The following ASMTL variants were observed in gnomAD, a reference collection of about 807,000 sequenced individuals.
ASMTL encodes the protein acetylserotonin O-methyltransferase like, also known as probable bifunctional dTTP/UTP pyrophosphatase/methyltransferase protein.
ASMTL carries 57 observed loss-of-function variants against 60.3 expected under a neutral mutation model. The ratio of observed to expected loss-of-function variants is 0.95; its 90% CI spans 0.76 to 1.18. The LOEUF is 1.18. Among genes scored for constraint, ASMTL ranks in the 50% most tolerant of loss-of-function variants. ASMTL has a pLI of 0.00. For missense variants in ASMTL, 981 were observed against 852.6 expected, an observed-to-expected ratio of 1.15 and a Z score of -1.88; for synonymous variants, 419 against 373.0, an observed-to-expected ratio of 1.12 and a Z score of -1.42.
At chrX:1,437,385 C>T (rs1181914700) in intron 3 of ASMTL, among the ~76,000 whole-genome samples, 1 of 149,488 alleles carries the variant, frequency 6.7e-6, no homozygotes, top group African/African-American at 2.5e-5. Context: ...GACATTGATT[C>T]TTCCATAATC....
chrX:1,417,417 G>A (rs747841272), intron 11 of ASMTL, among the ~76,000 whole-genome samples: 61 of 97,406 alleles, frequency 6.3e-4, no homozygotes, highest in African/African-American at 2.0e-3. Context: ...TGGACACACA[G>A]TCTCATGCAC....
In ASMTL at chrX:1,430,997, A is replaced by T. The variant is rs764978075; in HGVS notation, c.509+1272T>A. 2.5e-3 allele frequency among the ~76,000 whole-genome samples: 325 copies of T among 128,364 alleles called. 3 individuals carry two copies. The highest frequency in any genetic ancestry group is 0.011 in the African/African-American group (302 of 27,902). The allele number at this position is 128,364 out of a possible 152,430, so 84.2% of individuals were successfully genotyped here. ...TAATTTACATATAATCACACTTTAT[A>T]TTATTATGTAATATGTATTAATATG... On this transcript the variant is annotated intron_variant, in intron 6 of 12. Coordinates refer to ENST00000381317, the MANE Select transcript of ASMTL (RefSeq NM_004192.4).
At chrX:1,451,941 C>T (rs192354005) in intron 1 of ASMTL, among the ~76,000 whole-genome samples, 324 of 150,414 alleles carry the variant, frequency 2.2e-3, no homozygotes, top group Non-Finnish European at 3.8e-3. Flanking sequence ...GGTCACTCTC[C>T]CCAACCACAT....
At chrX:1,414,275 C>T (rs1160278105) in intron 11 of ASMTL, among the ~76,000 whole-genome samples, 9 of 152,138 alleles carry the variant, frequency 5.9e-5, no homozygotes, top group Admixed American at 3.3e-4. Flanking sequence ...CTCAGACCTC[C>T]GGTCTGCAGG....
intron 1 of ASMTL, among the ~76,000 whole-genome samples, chrX:1,446,876 G>A (rs766438987): frequency 2.4e-4 from 36 of 152,258 alleles, no homozygotes; most frequent in Non-Finnish European, 1.5e-4. Flanking sequence ...TACCCCTGTC[G>A]TGAAATTCTA....
chrX:1,421,555 A>G (rs2090484179), intron 9 of ASMTL, 103 bp downstream of exon 9: 1 of 1,278,540 alleles, frequency 7.8e-7, no homozygotes, highest in African/African-American at 1.5e-5. Flanking sequence ...GGGATCTGTC[A>G]GACTGGAGAC....
intron 1 of ASMTL, among the ~76,000 whole-genome samples, chrX:1,446,158 T>C (rs1224139368): frequency 5.3e-5 from 8 of 152,262 alleles, no homozygotes; most frequent in African/African-American, 1.9e-4. Flanking sequence ...GCAGAAATAA[T>C]GGCGTAAGCT....
intron 5 of ASMTL, among the ~76,000 whole-genome samples, chrX:1,433,077 G>C (rs113591937): frequency 0.016 from 2,360 of 150,166 alleles, 68 homozygotes; most frequent in African/African-American, 0.055. Flanking sequence ...CAGCCTGGGC[G>C]ACAGAGCGAG....
Position 1,418,076 on chromosome X carries a change from G to A in ASMTL, c.1419C>T (p.Tyr473=), listed in dbSNP as rs755745812. 1.3e-5 allele frequency: 21 copies of A among 1,612,448 alleles called. No individual in the cohort carries two copies. The highest frequency in any genetic ancestry group is 5.0e-5 in the Admixed American group (3 of 59,888). Residue 473 remains tyrosine, a synonymous_variant, in exon 11 of 13, where the codon TAC becomes TAT. Transcript: ENST00000381317. The part of the protein sequence containing the change: ...GALARELARE[Y]PRMQVTVFDL... ...CAAACACAGTCACCTGCATACGAGGGTACTCACGGGCCAGCTCTCGGGCCA... is the reference window on the plus strand; with the variant it reads ...CAAACACAGTCACCTGCATACGAGGATACTCACGGGCCAGCTCTCGGGCCA...
chrX:1,418,861 G>A lies in ASMTL; in HGVS notation c.1378+121C>T, dbSNP rs774222647. 2.7e-4 allele frequency: 352 copies of A among 1,288,184 alleles called. 3 individuals carry two copies. The Middle Eastern group carries it at 3.8e-3, about 14-fold the overall frequency. 79.8% of individuals were successfully genotyped at this position (1,288,184 alleles called of 1,614,324 possible). On this transcript the variant is annotated intron_variant, in intron 10 of 12. Transcript: ENST00000381317. ...CATGATCTGGGACTCAGCCTGGCCC[G>A]GTTCAGGTCGTTATCAGGTTTGTCA...
chrX:1,404,398 T>C (rs1426263304), intron 12 of ASMTL, among the ~76,000 whole-genome samples: 1 of 145,462 alleles, frequency 6.9e-6, no homozygotes, highest in South Asian at 2.1e-4. Context: ...GGTAGGTAGG[T>C]GGATGGATGG....
At chrX:1,439,195 A>C in intron 2 of ASMTL, 51 bp from the exon 3 acceptor site, 1 of 1,601,164 alleles carries the variant, frequency 6.2e-7, no homozygotes, top group Non-Finnish European at 8.6e-7. Context: ...TGGGTCTCAC[A>C]GAGAAGTTTT....
intron 1 of ASMTL, among the ~76,000 whole-genome samples, chrX:1,447,092 G>A (rs1369129360): frequency 2.6e-5 from 4 of 152,168 alleles, no homozygotes; most frequent in Non-Finnish European, 5.9e-5. Flanking sequence ...AACGGGTGCT[G>A]CTTGGAAGGC....
In ASMTL at chrX:1,439,124, G is replaced by A. The variant is rs190761175; in HGVS notation, c.246C>T (p.Asp82=). The change falls in exon 3 of 13, where the codon GAC becomes GAT. Residue 82 remains aspartate, a synonymous_variant. Transcript: ENST00000381317. Reference sequence around the variant, plus strand: ...CGATCGTGTCCGCTCCAATGACCACGTCGGGGGCCCGCAGGTCTTTCTGTA... The same window carrying A: ...CGATCGTGTCCGCTCCAATGACCACATCGGGGGCCCGCAGGTCTTTCTGTA... ...RLYQKDLRAP[D]VVIGADTIVT... is the part of the protein sequence containing the mutation. 7.0e-5 allele frequency: 113 copies of A among 1,614,022 alleles called. 1 individual carries two copies. The East Asian group carries it at 1.7e-3, about 24-fold the overall frequency.
At position 1,427,846 on chromosome X, in the gene ASMTL, G is replaced by A. The variant is rs371067058; in HGVS notation, c.785C>T (p.Ala262Val). 23 of 1,613,266 alleles carry A rather than the reference G, an allele frequency of 1.4e-5. No homozygotes were observed. Among genetic ancestry groups the A allele is most frequent in the Middle Eastern group, 1.7e-4 (1 of 5,920 alleles). ...TGCCGTGGCCTGTCCCGCCTCTCCCGCCTCGGCCTTCTCATCGCGGCTGCC... is the reference window on the plus strand; with the variant it reads ...TGCCGTGGCCTGTCCCGCCTCTCCCACCTCGGCCTTCTCATCGCGGCTGCC... ...DAGSRDEKAE[A>V]GEAGQATAEA... The change falls in exon 7 of 13, where the codon GCG becomes GTG. Residue 262 changes from alanine to valine, a missense_variant. By Grantham distance (64) the Ala-to-Val change is moderately conservative (BLOSUM62 0). Transcript: ENST00000381317.
intron 12 of ASMTL, among the ~76,000 whole-genome samples, chrX:1,406,358 A>G (rs1451413959): frequency 6.7e-6 from 1 of 149,666 alleles, no homozygotes; most frequent in African/African-American, 2.5e-5. Context: ...AGATGGATGG[A>G]TAGGTGAATA....
Position 1,432,434 on chromosome X carries a change from C to A in ASMTL, c.401-57G>T, listed in dbSNP as rs762021466. ...GACGCCAGCTTGTCACCTCCGTGCCCTGACAGCTGCGTGGCTGTGCTGTGG... is the reference window on the plus strand; with the variant it reads ...GACGCCAGCTTGTCACCTCCGTGCCATGACAGCTGCGTGGCTGTGCTGTGG... On this transcript the variant is annotated intron_variant, in intron 5 of 12. Coordinates refer to ENST00000381317, the MANE Select transcript of ASMTL (RefSeq NM_004192.4). 68 of 1,355,534 alleles carry A rather than the reference C, an allele frequency of 5.0e-5. No homozygotes were observed. The African/African-American group carries it at 9.0e-4, about 18-fold the overall frequency. The allele number at this position is 1,355,534 out of a possible 1,614,324, so 84.0% of individuals were successfully genotyped here.
intron 11 of ASMTL, among the ~76,000 whole-genome samples, chrX:1,416,204 C>T (rs1569532033): frequency 6.7e-6 from 1 of 150,060 alleles, no homozygotes; most frequent in East Asian, 2.0e-4. Context: ...CAGACATGCA[C>T]AGCAACAGGC....
At chrX:1,420,510 C>T (rs1315661246) in intron 9 of ASMTL, among the ~76,000 whole-genome samples, 2 of 152,196 alleles carry the variant, frequency 1.3e-5, no homozygotes, top group South Asian at 2.1e-4. Context: ...GCTCGGCCAG[C>T]GCTGCCAAGG....
Sources: allele counts gnomAD v4.1 joint callset (sites outside exome capture counted in the v4.1 genomes callset), GRCh38; gene constraint gnomAD v4.1.1; transcripts MANE v1.5; gene names NCBI Gene and HGNC (gene_info 2026-07-23, HGNC 2026-07-21).